CEP89: variants seen among roughly 807,000 people sequenced by gnomAD.
CEP89 encodes the protein centrosomal protein of 89 kDa.
In CEP89, 95 loss-of-function variants were observed where a neutral mutation model predicts 97.6. The ratio of observed to expected loss-of-function variants is 0.97; its 90% CI spans 0.82 to 1.15. The LOEUF (loss-of-function observed/expected upper bound fraction) is 1.15, where lower values mean the gene tolerates loss of function less well. Ranked by LOEUF, CEP89 falls within the 50% of genes most tolerant of loss-of-function variation. The pLI is 0.00. For missense variants in CEP89, 869 were observed against 947.7 expected, an observed-to-expected ratio of 0.92 and a Z score of 1.09; for synonymous variants, 354 against 349.1, an observed-to-expected ratio of 1.01 and a Z score of -0.16.
chr19:32,959,324 C>T (rs1340467015), intron 3 of CEP89, among the ~76,000 whole-genome samples: 4 of 152,170 alleles, frequency 2.6e-5, no homozygotes, highest in African/African-American at 4.8e-5. Flanking sequence ...AGCCCTTGAG[C>T]TGTTCCTAGA....
rs1969401581 is a variant in CEP89 at position 32,886,636 on chromosome 19, T to C, written c.1965+1116A>G. ...GTGTCTCCTCCGGGTGAGCCGGTTT[T>C]ACTATTCCTGTTCAGATAAATGGTA... is the stretch of plus-strand genomic sequence containing the variant. On this transcript the variant is annotated intron_variant, in intron 17 of 18. Coordinates refer to ENST00000305768, the MANE Select transcript of CEP89 (RefSeq NM_032816.5). 2.0e-5 allele frequency among the ~76,000 whole-genome samples: 3 copies of C among 152,224 alleles called. No individual in the cohort carries two copies. In the South Asian group the frequency reaches 6.2e-4, roughly 32 times the overall value.
intron 14 of CEP89, among the ~76,000 whole-genome samples, chr19:32,902,010 C>CTCTGTGTGTGTGTGTGTGTGTG (rs1207481256): frequency 3.7e-4 from 49 of 133,792 alleles, no homozygotes; most frequent in Middle Eastern, 3.7e-3. Flanking sequence ...CTCTCTCTCT[C>CTCTGTGTGTGTGTGTGTGTGTG]TGTGTGTGTG....
chr19:32,902,125 TA>T lies in CEP89; in HGVS notation c.1566-714del, dbSNP rs201090402. The stretch of plus-strand genomic sequence containing the variant: ...CATGGTTATAAATGCCAGATTTATT[TA>T]AAAAAAACCTGCTAAAACAATTTTT... On this transcript the variant is annotated intron_variant, in intron 14 of 18. Transcript: ENST00000305768. 2.7e-3 allele frequency among the ~76,000 whole-genome samples: 410 copies of T among 151,876 alleles called. 2 individuals are homozygous for T. The highest frequency in any genetic ancestry group is 9.3e-3 in the African/African-American group (387 of 41,410).
chr19:32,902,006 C>CTGTGTGTGTGTGTGTGTGTGTGTG (rs1287486651), intron 14 of CEP89, among the ~76,000 whole-genome samples: 2 of 98,722 alleles, frequency 2.0e-5, no homozygotes, highest in Non-Finnish European at 4.0e-5. Flanking sequence ...GTCTCTCTCT[C>CTGTGTGTGTGTGTGTGTGTGTGTG]TCTCTGTGTG....
intron 8 of CEP89, 124 bp from the exon 9 acceptor site, chr19:32,931,695 CGTGT>C (rs933056037): frequency 4.2e-6 from 3 of 706,300 alleles, no homozygotes; most frequent in African/African-American, 1.8e-5. Flanking sequence ...ACTGTGTGTG[CGTGT>C]GTGTCTGTGT....
chr19:32,931,577 G>A lies in CEP89; in HGVS notation c.887-6C>T. On this transcript the variant is annotated splice_region_variant and splice_polypyrimidine_tract_variant and intron_variant, in intron 8 of 18. Coordinates refer to ENST00000305768, the MANE Select transcript of CEP89 (RefSeq NM_032816.5). ...AAGTAATTCAGGTGCAGCAACTAGG[G>A]AAAAAAATTTAATATTATACTATAA... The A allele has an allele frequency of 6.4e-7, 1 of 1,568,346 alleles. No homozygotes were observed. The highest frequency in any genetic ancestry group is 1.4e-5 in the African/African-American group (1 of 72,032).
Position 32,878,975 on chromosome 19 carries a change from A to AC in CEP89, c.*186_*187insG. 1 of 465,726 alleles carries AC rather than the reference A, an allele frequency of 2.1e-6. No individual in the cohort carries two copies. Among genetic ancestry groups the AC allele is most frequent in the South Asian group, 5.3e-5 (1 of 18,858 alleles). 28.8% of individuals were successfully genotyped at this position (465,726 alleles called of 1,614,324 possible). A position where few individuals can be genotyped will look rare whatever the true frequency, so the allele number is the denominator to read the frequency against. ...AGACCCTAGCTCTAAAAAAAAAAAA[A>AC]AATTAAAAAATAAAGCAAAATGTTA... On this transcript the variant is annotated 3_prime_UTR_variant, in exon 19 of 19. Coordinates refer to ENST00000305768, the MANE Select transcript of CEP89 (RefSeq NM_032816.5).
rs1971411588 is a variant in CEP89, at chr19:32,971,607, T to C, written c.39+229A>G. On this transcript the variant is annotated intron_variant, in intron 1 of 18. Coordinates refer to ENST00000305768, the MANE Select transcript of CEP89 (RefSeq NM_032816.5). ...AGGAGTTCGAGGATGCAGTGAGCTATGATCGCACCACTGCACTCTAGCCTG... is the reference window on the plus strand; with the variant it reads ...AGGAGTTCGAGGATGCAGTGAGCTACGATCGCACCACTGCACTCTAGCCTG... The C allele has an allele frequency of 6.7e-6, 4 of 598,406 alleles. No individual in the cohort carries two copies. In the South Asian group the frequency reaches 8.1e-5, roughly 12 times the overall value. The allele number at this position is 598,406 out of a possible 1,614,324, so 37.1% of individuals were successfully genotyped here.
Position 32,879,088 on chromosome 19 carries a change from T to G in CEP89, c.*74A>C. 8.0e-7 allele frequency: 1 copy of G among 1,257,432 alleles called. No individual in the cohort carries two copies. The highest frequency in any genetic ancestry group is 1.5e-5 in the African/African-American group (1 of 67,938). 77.9% of individuals were successfully genotyped at this position (1,257,432 alleles called of 1,614,324 possible). ...CGCACCTCCGGCTGCCACCATGGGC[T>G]GCCCTGCAGGGAAGGCCTGTGTGAG... is the stretch of plus-strand genomic sequence containing the variant. On this transcript the variant is annotated 3_prime_UTR_variant, in exon 19 of 19. Transcript: ENST00000305768.
chr19:32,898,647 C>T lies in CEP89; in HGVS notation c.1875+1210G>A, dbSNP rs533788385. 6.6e-5 allele frequency among the ~76,000 whole-genome samples: 10 copies of T among 152,034 alleles called. No individual in the cohort carries two copies. In the East Asian group the frequency reaches 7.7e-4, roughly 12 times the overall value. On this transcript the variant is annotated intron_variant, in intron 16 of 18. Transcript: ENST00000305768. Reference sequence around the variant, plus strand: ...CTGTAATCCCAGCACTCTGGGAGGCCGAGGTGGGCAGATCTCTTGAGGCCA... The same window carrying T: ...CTGTAATCCCAGCACTCTGGGAGGCTGAGGTGGGCAGATCTCTTGAGGCCA...
chr19:32,923,635 G>GCTGTTACCATTTGA, intron 11 of CEP89, 93 bp from the exon 12 acceptor site: 1 of 814,582 alleles, frequency 1.2e-6, no homozygotes, highest in Non-Finnish European at 2.1e-6. Context: ...AAATCAAATG[G>GCTGTTACCATTTGA]TAACAGCCAT....
chr19:32,890,555 C>T (rs910218619), intron 16 of CEP89, among the ~76,000 whole-genome samples: 1 of 152,120 alleles, frequency 6.6e-6, no homozygotes, highest in Non-Finnish European at 1.5e-5. Context: ...CACGGGAACT[C>T]GACAGGGGAG....
chr19:32,943,665 A>C (rs1427981170), intron 5 of CEP89, among the ~76,000 whole-genome samples: 1 of 152,034 alleles, frequency 6.6e-6, no homozygotes, highest in East Asian at 1.9e-4. Context: ...CACGTTTCAC[A>C]TGCCTACATA....
Position 32,936,768 on chromosome 19 carries a change from C to T in CEP89, c.667+863G>A, listed in dbSNP as rs1384462662. ...TCTACTAGGAGCTGGTCAGAATAAC[C>T]AGCTGCAGAGAAGAACAACCCTCTC... On this transcript the variant is annotated intron_variant, in intron 7 of 18. Coordinates refer to ENST00000305768, the MANE Select transcript of CEP89 (RefSeq NM_032816.5). The surrounding 1 kb of genome is among the most constrained non-coding windows in gnomAD (Gnocchi z 4.5). Among the ~76,000 whole-genome samples the T allele has an allele frequency of 6.6e-6, 1 of 152,078 alleles. No individual in the cohort carries two copies. Among genetic ancestry groups the T allele is most frequent in the Admixed American group, 6.5e-5 (1 of 15,268 alleles).
chr19:32,902,525 A>G (rs1452886410), intron 14 of CEP89, among the ~76,000 whole-genome samples: 2 of 152,338 alleles, frequency 1.3e-5, no homozygotes, highest in African/African-American at 4.8e-5. Flanking sequence ...CTCCTCAGCT[A>G]AAAAACCAGG....
chr19:32,953,572 T>A (rs753238336), intron 4 of CEP89, 43 bp downstream of exon 4: 1 of 1,485,704 alleles, frequency 6.7e-7, no homozygotes, highest in African/African-American at 1.4e-5. Context: ...AAAGTTAACA[T>A]CAGGGTGAAT....
At chr19:32,931,137 G>A (rs1393665612) in intron 9 of CEP89, 9 of 395,886 alleles carry the variant, frequency 2.3e-5, no homozygotes, top group Middle Eastern at 1.3e-3. Flanking sequence ...CAATTCTCCC[G>A]CCTCAGCCTC....
At chr19:32,918,071 C>T (rs11668957) in intron 13 of CEP89, among the ~76,000 whole-genome samples, 153 bp downstream of exon 13, 22,224 of 152,136 alleles carry the variant, frequency 0.15, 1,993 homozygotes, top group Non-Finnish European at 0.21. Context: ...AGGGTAGTGA[C>T]GTGGAAAGGT....
Position 32,936,444 on chromosome 19 carries a change from G to A in CEP89, c.667+1187C>T, listed in dbSNP as rs542911567. Among the ~76,000 whole-genome samples, 168 of 152,244 alleles carry A rather than the reference G, an allele frequency of 1.1e-3. No homozygotes were observed. The highest frequency in any genetic ancestry group is 5.2e-3 in the Admixed American group (80 of 15,294). The stretch of plus-strand genomic sequence containing the variant: ...GAGACAGGTTCCTGGGCAGAAGCAG[G>A]CAGGTCCCCGGTGAGGCCCCGCCTT... On this transcript the variant is annotated intron_variant, in intron 7 of 18. Coordinates refer to ENST00000305768, the MANE Select transcript of CEP89 (RefSeq NM_032816.5). The surrounding 1 kb of genome is among the most constrained non-coding windows in gnomAD (Gnocchi z 4.5).
Sources: allele counts gnomAD v4.1 joint callset (sites outside exome capture counted in the v4.1 genomes callset), GRCh38; gene constraint gnomAD v4.1.1; non-coding constraint Gnocchi (gnomAD v3.1); transcripts MANE v1.5; gene names NCBI Gene and HGNC (gene_info 2026-07-23, HGNC 2026-07-21).